Variants in SNX5 observed in about 807,000 individuals in gnomAD.
SNX5 encodes the protein sorting nexin-5.
In SNX5, 31 loss-of-function variants were observed where a neutral mutation model predicts 53.9. That is an observed-to-expected ratio of 0.58 (90% CI 0.43 to 0.78). The LOEUF is 0.78. SNX5 is among the 30% of genes least tolerant of loss of function. The probability of loss-of-function intolerance (pLI) is 0.00; values close to 1 mark genes in which losing one functional copy is unlikely to be tolerated. For synonymous variants in SNX5, 168 were observed against 171.1 expected, an observed-to-expected ratio of 0.98 and a Z score of 0.14; for missense variants, 471 against 478.8, an observed-to-expected ratio of 0.98 and a Z score of 0.15.
At chr20:17,961,683 A>G (rs150125770) in intron 1 of SNX5, 3 of 984,572 alleles carry the variant, frequency 3.0e-6, no homozygotes, top group Non-Finnish European at 3.6e-6. Context: ...TATGTACTTA[A>G]GCAGCACATG....
At chr20:17,956,457 T>A (rs1223488547) in intron 2 of SNX5, among the ~76,000 whole-genome samples, 1 of 152,066 alleles carries the variant, frequency 6.6e-6, no homozygotes, top group African/African-American at 2.4e-5. Context: ...GTGTGGTGGC[T>A]CTGGCTCACG....
intron 11 of SNX5, chr20:17,943,916 A>G (rs2039451036): frequency 1.3e-5 from 2 of 152,284 alleles, no homozygotes; most frequent in Non-Finnish European, 2.9e-5. Flanking sequence ...TCACTGCAGC[A>G]TTATTTACAA....
intron 1 of SNX5, among the ~76,000 whole-genome samples, chr20:17,963,216 T>C (rs977236688): frequency 6.6e-6 from 1 of 152,172 alleles, no homozygotes; most frequent in African/African-American, 2.4e-5. Flanking sequence ...AGAGAGGTTC[T>C]TGTCTGTAAT....
chr20:17,945,310 T>C lies in SNX5; in HGVS notation c.1079-2115A>G, dbSNP rs370052053. 6 of 152,220 alleles carry C rather than the reference T, an allele frequency of 3.9e-5. No homozygotes were observed. The East Asian group carries it at 9.6e-4, about 24-fold the overall frequency. 9.4% of individuals were successfully genotyped at this position (152,220 alleles called of 1,614,324 possible). A position where few individuals can be genotyped will look rare whatever the true frequency, so the allele number is the denominator to read the frequency against. On this transcript the variant is annotated intron_variant, in intron 11 of 12. Coordinates refer to ENST00000377759, the MANE Select transcript of SNX5 (RefSeq NM_014426.4). ...CCCTTACCCACTGACTCAACTCTAG[T>C]CGTCAGCTCAGCTGCAAGTCTCAGA...
rs369193496 is a variant in SNX5, at chr20:17,950,347, T to C, written c.659A>G (p.Tyr220Cys). The change falls in exon 7 of 13, where the codon TAC (tyrosine) becomes TGC (cysteine). Residue 220 changes from tyrosine (Y) to cysteine (C), a missense_variant. Coordinates refer to ENST00000377759, the MANE Select transcript of SNX5 (RefSeq NM_014426.4). ...EQEKNFLINY[Y>C]NRIKDSCVKA... is the part of the protein sequence containing the mutation. ...CACACAAGAATCTTTGATCCTATTG[T>C]AATAGTTAATAAGGAAGTTCTTCTC... The C allele has an allele frequency of 3.1e-6, 5 of 1,613,552 alleles. No homozygotes were observed. Among genetic ancestry groups the C allele is most frequent in the Non-Finnish European group, 3.4e-6 (4 of 1,179,498 alleles).
intron 1 of SNX5, chr20:17,962,987 CAG>C (rs746247761): frequency 3.0e-5 from 14 of 469,566 alleles, no homozygotes; most frequent in South Asian, 4.6e-5. Context: ...AACATGGAAC[CAG>C]AGTTAAATTA....
intron 1 of SNX5, chr20:17,961,522 T>TC: frequency 6.1e-6 from 6 of 985,358 alleles, no homozygotes; most frequent in Non-Finnish European, 7.2e-6. Context: ...AATCTAATAG[T>TC]CATTTGTATA....
At chr20:17,968,197 C>A (rs930344086) in intron 1 of SNX5, 178 bp downstream of exon 1, 3 of 423,502 alleles carry the variant, frequency 7.1e-6, no homozygotes, top group Non-Finnish European at 1.2e-5. Flanking sequence ...CACAGGGATT[C>A]CCCGGGGCAG....
chr20:17,963,031 T>C, intron 1 of SNX5: 2 of 377,460 alleles, frequency 5.3e-6, no homozygotes, highest in East Asian at 6.8e-5. Context: ...TGTCAAGAAA[T>C]CCATCTAATT....
intron 2 of SNX5, among the ~76,000 whole-genome samples, chr20:17,956,701 A>AC (rs2035366322): frequency 1.6e-5 from 2 of 122,722 alleles, no homozygotes; most frequent in African/African-American, 5.8e-5. Flanking sequence ...AAAAAAAAAA[A>AC]AAACAAAAAA....
At position 17,950,404 on chromosome 20, in the gene SNX5, G is replaced by C; in HGVS notation, c.610-8C>G. On this transcript the variant is annotated splice_polypyrimidine_tract_variant and splice_region_variant and intron_variant, in intron 6 of 12. Coordinates refer to ENST00000377759, the MANE Select transcript of SNX5 (RefSeq NM_014426.4). ...AAAGAAGTCATCTACCTCCTAGAAG[G>C]AAGAAAAAAAGAACCAGACATTTCA... 6.6e-7 allele frequency: 1 copy of C among 1,522,688 alleles called. No homozygotes were observed. Among genetic ancestry groups the C allele is most frequent in the Non-Finnish European group, 9.0e-7 (1 of 1,105,822 alleles). 94.3% of individuals were successfully genotyped at this position (1,522,688 alleles called of 1,614,324 possible). A position where few individuals can be genotyped will look rare whatever the true frequency, so the allele number is the denominator to read the frequency against.
At chr20:17,967,486 G>A (rs904216069) in intron 1 of SNX5, among the ~76,000 whole-genome samples, 4 of 152,136 alleles carry the variant, frequency 2.6e-5, no homozygotes, top group African/African-American at 9.7e-5. Flanking sequence ...TCTCTATGGA[G>A]GTGCCTTTAA....
rs766537375 is a variant in SNX5, at chr20:17,952,637, C to A, written c.463G>T (p.Val155Phe). Residue 155 changes from valine (V) to phenylalanine (F), a missense_variant, in exon 5 of 13, where the codon GTT becomes TTT. Val to Phe is a conservative substitution (Grantham distance 50, BLOSUM62 -1). Transcript: ENST00000377759. ...VFLQRLSSHP[V>F]LSKDRNFHVF... ...TGAAAGTTGCGATCTTTACTGAGAA[C>A]AGGGTGAGAAGAAAGCCGCTGAAGA... The A allele has an allele frequency of 2.8e-5, 45 of 1,613,938 alleles. No individual in the cohort carries two copies. Among genetic ancestry groups the A allele is most frequent in the Non-Finnish European group, 3.8e-5 (45 of 1,179,968 alleles).
intron 4 of SNX5, among the ~76,000 whole-genome samples, chr20:17,953,523 A>C (rs574544190): frequency 1.3e-5 from 2 of 152,322 alleles, no homozygotes; most frequent in South Asian, 4.1e-4. Flanking sequence ...AGCTCACTAT[A>C]ATCTCAGCAC....
At chr20:17,956,728 A>G (rs557195371) in intron 2 of SNX5, among the ~76,000 whole-genome samples, 1 of 147,434 alleles carries the variant, frequency 6.8e-6, no homozygotes, top group African/African-American at 2.5e-5. Flanking sequence ...CCCACAGCCC[A>G]GGGCTCTGCC....
intron 1 of SNX5, among the ~76,000 whole-genome samples, chr20:17,959,966 G>C (rs1473486540): frequency 1.3e-5 from 2 of 152,066 alleles, no homozygotes; most frequent in African/African-American, 4.8e-5. Flanking sequence ...GCCAACACTT[G>C]AGTCTCTGAC....
rs2069934060 is a variant in SNX5, at chr20:17,942,183, A to G, written c.*174T>C. Reference sequence around the variant, plus strand: ...ATTAGTTATGTCCAAGTAGCAAGCAATAATATTTTTAAACCAACATGGTTA... The same window carrying G: ...ATTAGTTATGTCCAAGTAGCAAGCAGTAATATTTTTAAACCAACATGGTTA... On this transcript the variant is annotated 3_prime_UTR_variant, in exon 13 of 13. Coordinates refer to ENST00000377759, the MANE Select transcript of SNX5 (RefSeq NM_014426.4). 8.4e-6 allele frequency: 5 copies of G among 593,676 alleles called. No homozygotes were observed. The highest frequency in any genetic ancestry group is 6.0e-5 in the Admixed American group (2 of 33,562). 36.8% of individuals were successfully genotyped at this position (593,676 alleles called of 1,614,324 possible).
chr20:17,962,958 C>G, intron 1 of SNX5: 1 of 508,838 alleles, frequency 2.0e-6, no homozygotes, highest in South Asian at 1.4e-5. Flanking sequence ...AGGCTGCAAG[C>G]CCATGTACTA....
chr20:17,966,244 G>C (rs915985520), intron 1 of SNX5, among the ~76,000 whole-genome samples: 6 of 152,140 alleles, frequency 3.9e-5, no homozygotes, highest in African/African-American at 1.4e-4. Flanking sequence ...AATTAGCCGG[G>C]CATGGCGGTG....
Sources: gnomAD v4.1 joint callset for allele counts (sites outside exome capture counted in the v4.1 genomes callset) on GRCh38, gnomAD v4.1.1 for gene constraint, MANE v1.5 for transcripts, NCBI Gene and HGNC (gene_info 2026-07-23, HGNC 2026-07-21) for gene names.